The following GPC5 variants were observed in gnomAD, a reference collection of about 807,000 sequenced individuals.
GPC5 encodes the protein glypican 5.
A neutral mutation model predicts 53.9 loss-of-function variants in GPC5; 47 were observed. The observed-to-expected ratio is 0.87, with a 90% CI of 0.69 to 1.11. GPC5 has a LOEUF of 1.11. Among genes scored for constraint, GPC5 ranks in the 50% most tolerant of loss-of-function variants. GPC5 has a pLI of 0.00. For synonymous variants in GPC5, 286 were observed against 263.3 expected (o/e 1.09, Z -0.84); for missense variants, 748 against 713.1 (o/e 1.05, Z -0.56).
At chr13:92,691,729 T>A (rs1442278176) in intron 7 of GPC5, among the ~76,000 whole-genome samples, 1 of 152,034 alleles carries the variant, frequency 6.6e-6, no homozygotes, top group Non-Finnish European at 1.5e-5. Context: ...TGGATTTCCT[T>A]TAAGATCAAT....
intron 6 of GPC5, among the ~76,000 whole-genome samples, chr13:91,930,871 C>A (rs1422529668): frequency 6.6e-6 from 1 of 152,018 alleles, no homozygotes; most frequent in African/African-American, 2.4e-5. Flanking sequence ...TATTGAAAAG[C>A]GTGATCTAAG....
intron 7 of GPC5, among the ~76,000 whole-genome samples, chr13:92,736,962 G>C (rs999420120): frequency 1.3e-5 from 2 of 151,920 alleles, no homozygotes; most frequent in African/African-American, 4.8e-5. Context: ...TTAAGCTACT[G>C]GATTTGAGCT....
chr13:91,666,781 A>G (rs529309765), intron 2 of GPC5, among the ~76,000 whole-genome samples: 62 of 152,308 alleles, frequency 4.1e-4, no homozygotes, highest in African/African-American at 1.5e-3. Flanking sequence ...GCTACTTTAG[A>G]TAAATGCTAG....
chr13:91,757,626 G>A (rs1349826758), intron 5 of GPC5, among the ~76,000 whole-genome samples: 4 of 152,090 alleles, frequency 2.6e-5, no homozygotes, highest in Non-Finnish European at 5.9e-5. Context: ...GCCATGTGAA[G>A]AAGGACGTAT....
intron 2 of GPC5, among the ~76,000 whole-genome samples, chr13:91,482,006 C>T (rs1883327691): frequency 6.6e-6 from 1 of 152,152 alleles, no homozygotes; most frequent in African/African-American, 2.4e-5. Context: ...TAAAAGGATA[C>T]TAATAGAATA....
chr13:91,644,731 G>A (rs150279075), intron 2 of GPC5, among the ~76,000 whole-genome samples: 65 of 152,138 alleles, frequency 4.3e-4, no homozygotes, highest in African/African-American at 1.5e-3. Flanking sequence ...TTATTAAAAA[G>A]CAACTCTTCT....
intron 6 of GPC5, among the ~76,000 whole-genome samples, chr13:91,976,577 C>T (rs922135852): frequency 1.5e-4 from 23 of 152,040 alleles, no homozygotes; most frequent in African/African-American, 5.6e-4. Context: ...AGGAGTTGGT[C>T]AACAGGAAGC....
chr13:92,095,695 C>T (rs1035987832), intron 6 of GPC5, among the ~76,000 whole-genome samples: 7 of 152,036 alleles, frequency 4.6e-5, no homozygotes, highest in Admixed American at 2.0e-4. Context: ...CCACCATGCC[C>T]GGCTAATTTT....
At chr13:92,716,523 G>A (rs1461295024) in intron 7 of GPC5, among the ~76,000 whole-genome samples, 1 of 151,320 alleles carries the variant, frequency 6.6e-6, no homozygotes, top group East Asian at 1.9e-4. Context: ...TTGTTTTTCT[G>A]TCTCCCTATT....
intron 7 of GPC5, among the ~76,000 whole-genome samples, chr13:92,359,626 C>T (rs939287669): frequency 5.3e-5 from 8 of 151,640 alleles, no homozygotes; most frequent in African/African-American, 2.0e-4. Context: ...GTTCTGTAGG[C>T]TGTACAGGAA....
At chr13:92,696,543 T>G (rs917457925) in intron 7 of GPC5, among the ~76,000 whole-genome samples, 1 of 151,378 alleles carries the variant, frequency 6.6e-6, no homozygotes, top group Non-Finnish European at 1.5e-5. Context: ...TTGATGGGGT[T>G]GTTTGTTTTT....
At chr13:91,863,547 T>C (rs1594625845) in intron 5 of GPC5, among the ~76,000 whole-genome samples, 1 of 152,114 alleles carries the variant, frequency 6.6e-6, no homozygotes, top group African/African-American at 2.4e-5. Context: ...AAATTGTCTC[T>C]CTCTCACTCT....
At chr13:92,745,902 A>G (rs555628322) in intron 7 of GPC5, among the ~76,000 whole-genome samples, 3 of 152,248 alleles carry the variant, frequency 2.0e-5, no homozygotes, top group Non-Finnish European at 4.4e-5. Flanking sequence ...ATTGGATAAC[A>G]TGATTTATTC....
At chr13:91,553,814 A>C (rs1441660508) in intron 2 of GPC5, among the ~76,000 whole-genome samples, 1 of 152,082 alleles carries the variant, frequency 6.6e-6, no homozygotes, top group Non-Finnish European at 1.5e-5. Context: ...TCTCTTAATA[A>C]TGTGCAGCTG....
At chr13:92,651,377 T>C (rs1229938697) in intron 7 of GPC5, among the ~76,000 whole-genome samples, 2 of 152,138 alleles carry the variant, frequency 1.3e-5, no homozygotes, top group Admixed American at 6.6e-5. Flanking sequence ...AAATGGTACT[T>C]TTCCACTGTA....
intron 7 of GPC5, among the ~76,000 whole-genome samples, chr13:92,278,605 C>A (rs1158990606): frequency 6.6e-6 from 1 of 151,920 alleles, no homozygotes; most frequent in Non-Finnish European, 1.5e-5. Context: ...TGTCAAGAAT[C>A]CATTGCCTGA....
chr13:92,774,520 T>C (rs149792735), intron 7 of GPC5, among the ~76,000 whole-genome samples: 49 of 152,322 alleles, frequency 3.2e-4, no homozygotes, highest in African/African-American at 1.1e-3. Context: ...CACTTGCCTA[T>C]GAACTCCTCT....
intron 4 of GPC5, among the ~76,000 whole-genome samples, chr13:91,750,674 CT>C (rs752907631): frequency 6.1e-4 from 50 of 82,024 alleles, no homozygotes; most frequent in Admixed American, 2.5e-3. Context: ...TAGGTAAGTC[CT>C]TTTTTTTTTT....
chr13:92,248,077 C>T (rs2042666003), intron 7 of GPC5, among the ~76,000 whole-genome samples: 1 of 151,884 alleles, frequency 6.6e-6, no homozygotes, highest in South Asian at 2.1e-4. Flanking sequence ...CAGGGTAAGT[C>T]ATATTTCAAT....
Sources: allele counts gnomAD v4.1 joint callset (sites outside exome capture counted in the v4.1 genomes callset), GRCh38; gene constraint gnomAD v4.1.1; transcripts MANE v1.5; gene names NCBI Gene and HGNC (gene_info 2026-07-23, HGNC 2026-07-21).